The following TARBP1 variants were observed in gnomAD, a reference collection of about 807,000 sequenced individuals.
TARBP1 encodes the protein tRNA guanosine 2 -O-methyltransferase TARBP1.
TARBP1 carries 144 observed loss-of-function variants against 178.6 expected under a neutral mutation model. That is an observed-to-expected ratio of 0.81 (90% CI 0.70 to 0.93). The LOEUF is 0.93. TARBP1 is among the 40% of genes least tolerant of loss of function. The pLI is 0.00. For missense variants in TARBP1, 2,067 were observed against 2,011.7 expected (o/e 1.03, Z -0.53); for synonymous variants, 787 against 781.0 (o/e 1.01, Z -0.13).
chr1:234,392,524 A>G lies in TARBP1; in HGVS notation c.4589T>C (p.Leu1530Pro). The change falls in exon 29 of 30, where the codon CTG becomes CCG. Residue 1530 changes from leucine (L) to proline (P), a missense_variant. Coordinates refer to ENST00000040877, the MANE Select transcript of TARBP1 (RefSeq NM_005646.4). ...EVKPPQLIDY[L>P]QQKKTEGYTI... is the part of the protein sequence containing the mutation. ...ATAACCTTCTGTTTTCTTCTGCTGCAGATAATCAATTAGCTGAGGTGGTTT... is the reference window on the plus strand; with the variant it reads ...ATAACCTTCTGTTTTCTTCTGCTGCGGATAATCAATTAGCTGAGGTGGTTT... 6.2e-7 allele frequency: 1 copy of G among 1,614,130 alleles called. No homozygotes were observed. Among genetic ancestry groups the G allele is most frequent in the Non-Finnish European group, 8.5e-7 (1 of 1,179,982 alleles).
intron 12 of TARBP1, among the ~76,000 whole-genome samples, chr1:234,438,071 A>T (rs973843126): frequency 3.3e-5 from 5 of 152,234 alleles, no homozygotes; most frequent in African/African-American, 1.2e-4. Flanking sequence ...ATGGCAAAGG[A>T]GGTGAAGACA....
At position 234,448,484 on chromosome 1, in the gene TARBP1, A is replaced by G. The variant is rs756649051; in HGVS notation, c.1957T>C (p.Tyr653His). Residue 653 changes from tyrosine to histidine, a missense_variant, in exon 11 of 30, where the codon TAT becomes CAT. By Grantham distance (83) the Tyr-to-His change is moderately conservative. Coordinates refer to ENST00000040877, the MANE Select transcript of TARBP1 (RefSeq NM_005646.4). ...TTCAATTACAGAAACAATTACCTAT[A>G]CTGAGTCTTCATTCCTTCCACATCC... ...AVDVEGMKTQ[Y>H]SGKQRTENVL... The G allele has an allele frequency of 6.2e-7, 1 of 1,613,148 alleles. No individual in the cohort carries two copies. Among genetic ancestry groups the G allele is most frequent in the Non-Finnish European group, 8.5e-7 (1 of 1,179,264 alleles).
chr1:234,479,061 C>A lies in TARBP1; in HGVS notation c.43G>T (p.Asp15Tyr), dbSNP rs752180708. The A allele has an allele frequency of 3.2e-6, 5 of 1,539,870 alleles. No homozygotes were observed. Among genetic ancestry groups the A allele is most frequent in the Non-Finnish European group, 4.3e-6 (5 of 1,156,330 alleles). The change falls in exon 1 of 30, where the codon GAC (aspartate) becomes TAC (tyrosine). Residue 15 changes from aspartate to tyrosine, a missense_variant. Asp to Tyr is a radical substitution (Grantham distance 160). Coordinates refer to ENST00000040877, the MANE Select transcript of TARBP1 (RefSeq NM_005646.4). ...AGCGCCCCAAGCAGGGCCCGGGGGT[C>A]CCGGCTCTGCGAGAGCAGCGCTTCC... ...LAEALLSQSR[D>Y]PRALLGALCQ...
Position 234,478,835 on chromosome 1 carries a change from G to A in TARBP1, c.269C>T (p.Pro90Leu), listed in dbSNP as rs1160004012. The A allele has an allele frequency of 1.7e-6, 2 of 1,205,504 alleles. No homozygotes were observed. Among genetic ancestry groups the A allele is most frequent in the Non-Finnish European group, 2.1e-6 (2 of 973,348 alleles). 74.7% of individuals were successfully genotyped at this position (1,205,504 alleles called of 1,614,324 possible). ...CCTCAGCACGCGCCGGCGGTGGCGA[G>A]GCTGCAGACTGGGGTCCGGGCCGCC... ...PAGGPDPSLQ[P>L]RHRRRVLRAA... The change falls in exon 1 of 30, where the codon CCT (proline) becomes CTT (leucine). Residue 90 changes from proline (P) to leucine (L), a missense_variant. Physicochemically the swap from Pro to Leu is moderately conservative, Grantham distance 98. Transcript: ENST00000040877.
intron 24 of TARBP1, among the ~76,000 whole-genome samples, 154 bp from the exon 25 acceptor site, chr1:234,401,416 A>G (rs900756720): frequency 6.6e-6 from 1 of 152,218 alleles, no homozygotes; most frequent in African/African-American, 2.4e-5. Context: ...CCTCTCCAAG[A>G]TCAATACATA....
At chr1:234,456,431 C>T (rs1667295848) in intron 9 of TARBP1, among the ~76,000 whole-genome samples, 1 of 152,196 alleles carries the variant, frequency 6.6e-6, no homozygotes, top group Non-Finnish European at 1.5e-5. Context: ...GAACTCCTGG[C>T]CTCAAGTGAT....
At position 234,478,527 on chromosome 1, in the gene TARBP1, C is replaced by T. The variant is rs758056406; in HGVS notation, c.577G>A (p.Gly193Arg). ...PAEDAAALVAGRLLPVLVQCG... is the reference protein window; with the variant it reads ...PAEDAAALVARRLLPVLVQCG... ...TGGACCAGCACTGGCAGCAGTCGCC[C>T]GGCCACCAGCGCCGCCGCGTCCTCG... The change falls in exon 1 of 30, where the codon GGG (glycine) becomes AGG (arginine). Residue 193 changes from glycine (G) to arginine (R), a missense_variant. Gly to Arg is a moderately radical substitution (Grantham distance 125, BLOSUM62 -2). Coordinates refer to ENST00000040877, the MANE Select transcript of TARBP1 (RefSeq NM_005646.4). 1.5e-6 allele frequency: 2 copies of T among 1,372,292 alleles called. No homozygotes were observed. Among genetic ancestry groups the T allele is most frequent in the Non-Finnish European group, 1.9e-6 (2 of 1,059,646 alleles). The allele number at this position is 1,372,292 out of a possible 1,614,324, so 85.0% of individuals were successfully genotyped here.
intron 12 of TARBP1, among the ~76,000 whole-genome samples, chr1:234,438,789 G>A (rs914049194): frequency 6.6e-6 from 1 of 152,176 alleles, no homozygotes; most frequent in African/African-American, 2.4e-5. Context: ...GATTCAAGAA[G>A]TTTCAGGGAA....
At chr1:234,448,073 A>G (rs1225747847) in intron 11 of TARBP1, among the ~76,000 whole-genome samples, 1 of 152,088 alleles carries the variant, frequency 6.6e-6, no homozygotes, top group Non-Finnish European at 1.5e-5. Context: ...CTAGTAGTTG[A>G]GACTACAGAC....
chr1:234,454,665 A>C (rs1023363114), intron 9 of TARBP1, among the ~76,000 whole-genome samples: 1 of 152,222 alleles, frequency 6.6e-6, no homozygotes, highest in Non-Finnish European at 1.5e-5. Flanking sequence ...ACAAATTATA[A>C]GAGAATGATT....
In TARBP1 at chr1:234,418,222, A is replaced by T; in HGVS notation, c.3567T>A (p.Asn1189Lys). The T allele has an allele frequency of 6.5e-7, 1 of 1,550,180 alleles. No homozygotes were observed. The highest frequency in any genetic ancestry group is 8.6e-7 in the Non-Finnish European group (1 of 1,161,256). The change falls in exon 22 of 30, where the codon AAT becomes AAA. Residue 1189 changes from asparagine to lysine, a missense_variant. By Grantham distance (94) the Asn-to-Lys change is moderately conservative. Coordinates refer to ENST00000040877, the MANE Select transcript of TARBP1 (RefSeq NM_005646.4). ...LFPRLDQNFLNGIIDRIFQAG... is the reference protein window; with the variant it reads ...LFPRLDQNFLKGIIDRIFQAG... ...CCTGGAAAATCCTGTCAATAATTCC[A>T]TTCAAGAAATTCTGAGAAAAAAAGT... is the stretch of plus-strand genomic sequence containing the variant.
chr1:234,456,200 C>A (rs1667254375), intron 9 of TARBP1, among the ~76,000 whole-genome samples: 1 of 152,086 alleles, frequency 6.6e-6, no homozygotes, highest in South Asian at 2.1e-4. Flanking sequence ...TAAGTTCCTC[C>A]CAATGTTATT....
intron 1 of TARBP1, among the ~76,000 whole-genome samples, chr1:234,476,649 C>G (rs1571899058): frequency 6.6e-6 from 1 of 152,204 alleles, no homozygotes; most frequent in East Asian, 1.9e-4. Context: ...GAAAAATGAT[C>G]AGTTTCCTAC....
rs187643794 is a variant in TARBP1, at chr1:234,402,957, T to C, written c.3990-1695A>G. On this transcript the variant is annotated intron_variant, in intron 24 of 29. Transcript: ENST00000040877. ...ATCGAATGGCTCTTGATAAATCCAG[T>C]CAGTACTTTAGGCCCTTGTTTACCT... 3.3e-5 allele frequency among the ~76,000 whole-genome samples: 5 copies of C among 152,222 alleles called. No homozygotes were observed. In the East Asian group the frequency reaches 9.6e-4, roughly 29 times the overall value.
chr1:234,420,315 C>G (rs748526520), intron 21 of TARBP1, among the ~76,000 whole-genome samples: 5 of 152,218 alleles, frequency 3.3e-5, no homozygotes, highest in Non-Finnish European at 7.3e-5. Flanking sequence ...TACAATTTGC[C>G]TGGTTTCTAC....
intron 22 of TARBP1, among the ~76,000 whole-genome samples, chr1:234,413,530 C>T (rs1382255585): frequency 2.0e-5 from 3 of 152,212 alleles, no homozygotes; most frequent in East Asian, 1.9e-4. Flanking sequence ...GTTCTAGCAA[C>T]GGAAAACAGA....
rs1449639326 is a variant in TARBP1, at chr1:234,467,666, T to C, written c.1100-16A>G. On this transcript the variant is annotated splice_polypyrimidine_tract_variant and intron_variant, in intron 3 of 29. Coordinates refer to ENST00000040877, the MANE Select transcript of TARBP1 (RefSeq NM_005646.4). ...AGCCAACATCCTGTGGAAACAAACA[T>C]CAAATGTTGACATCTGATTCTGTCT... 5 of 1,562,564 alleles carry C rather than the reference T, an allele frequency of 3.2e-6. No individual in the cohort carries two copies. The highest frequency in any genetic ancestry group is 4.6e-5 in the East Asian group (2 of 43,280).
At position 234,478,191 on chromosome 1, in the gene TARBP1, C is replaced by CGCAGGT. The variant is rs1558270147; in HGVS notation, c.907_912dup (p.Thr303_Cys304dup). The stretch of plus-strand genomic sequence containing the variant: ...CAGGTACCGTTTCCTTCCTGGGGCC[C>CGCAGGT]GCAGGTGCAGTCGGCCCCCAGCTCC... On this transcript the variant is annotated inframe_insertion, in exon 1 of 30. Coordinates refer to ENST00000040877, the MANE Select transcript of TARBP1 (RefSeq NM_005646.4). The CGCAGGT allele has an allele frequency of 7.4e-6, 12 of 1,611,816 alleles. No homozygotes were observed. The highest frequency in any genetic ancestry group is 1.0e-5 in the Non-Finnish European group (12 of 1,179,532).
At chr1:234,398,253 G>T in intron 26 of TARBP1, 129 bp downstream of exon 26, 1 of 676,952 alleles carries the variant, frequency 1.5e-6, no homozygotes, top group South Asian at 4.4e-5. Context: ...TTTTCCCTAA[G>T]TGGAAAGGCA....
Sources: gnomAD v4.1 joint callset for allele counts (sites outside exome capture counted in the v4.1 genomes callset) on GRCh38, gnomAD v4.1.1 for gene constraint, MANE v1.5 for transcripts, NCBI Gene and HGNC (gene_info 2026-07-23, HGNC 2026-07-21) for gene names.